Variants in TSPAN18 observed in about 807,000 individuals in gnomAD.
The protein encoded by TSPAN18 is tetraspanin 18, also known as tetraspanin-18.
In TSPAN18, 14 loss-of-function variants were observed where a neutral mutation model predicts 27.3. That is an observed-to-expected ratio of 0.51 (90% CI 0.34 to 0.80). The LOEUF (loss-of-function observed/expected upper bound fraction) is 0.80. Among genes scored for constraint, TSPAN18 ranks in the 30% least tolerant of loss-of-function variants. The pLI is 0.01. For missense variants in TSPAN18, 268 were observed against 323.9 expected, an observed-to-expected ratio of 0.83 and a Z score of 1.32; for synonymous variants, 143 against 136.5, an observed-to-expected ratio of 1.05 and a Z score of -0.33.
chr11:44,781,642 C>A (rs1855942036), intron 2 of TSPAN18, among the ~76,000 whole-genome samples: 1 of 152,190 alleles, frequency 6.6e-6, no homozygotes, highest in African/African-American at 2.4e-5. Flanking sequence ...AGTCTTTTAA[C>A]ATAGCCTGAG....
intron 2 of TSPAN18, among the ~76,000 whole-genome samples, chr11:44,847,024 A>G (rs965729163): frequency 2.6e-5 from 4 of 152,206 alleles, no homozygotes; most frequent in Non-Finnish European, 5.9e-5. Flanking sequence ...GCGAAGCACT[A>G]ACTTCAGCAG....
chr11:44,731,365 C>T (rs557833119), intron 1 of TSPAN18, among the ~76,000 whole-genome samples: 3 of 152,300 alleles, frequency 2.0e-5, no homozygotes, highest in South Asian at 2.1e-4. Context: ...GACCATTCAA[C>T]CCCTGGTGCC....
chr11:44,780,248 A>G (rs914547857), intron 2 of TSPAN18, among the ~76,000 whole-genome samples: 2 of 152,156 alleles, frequency 1.3e-5, no homozygotes, highest in African/African-American at 4.8e-5. Flanking sequence ...CAACCAAGCT[A>G]TTAGATGAAA....
intron 2 of TSPAN18, among the ~76,000 whole-genome samples, chr11:44,799,965 T>G (rs2135065390): frequency 6.6e-6 from 1 of 151,794 alleles, no homozygotes; most frequent in South Asian, 2.1e-4. Context: ...CGAGTAGCTG[T>G]GATTACAGGT....
intron 2 of TSPAN18, among the ~76,000 whole-genome samples, chr11:44,792,116 A>G (rs1256234322): frequency 6.6e-6 from 1 of 152,214 alleles, no homozygotes; most frequent in East Asian, 1.9e-4. Flanking sequence ...TATAAATATT[A>G]TATAATTTCA....
intron 4 of TSPAN18, 112 bp downstream of exon 4, chr11:44,906,591 G>C (rs956017042): frequency 6.9e-6 from 7 of 1,016,300 alleles, no homozygotes; most frequent in Non-Finnish European, 1.1e-5. Context: ...GCCGGCGCTA[G>C]AGGCAGGGGT....
At chr11:44,811,173 CA>C (rs1156646717) in intron 2 of TSPAN18, among the ~76,000 whole-genome samples, 39 of 148,538 alleles carry the variant, frequency 2.6e-4, no homozygotes, top group African/African-American at 7.4e-4. Context: ...CACACACACA[CA>C]CCCCTGCCTG....
chr11:44,864,905 C>G (rs1432305085), intron 3 of TSPAN18, among the ~76,000 whole-genome samples: 2 of 152,230 alleles, frequency 1.3e-5, no homozygotes, highest in African/African-American at 4.8e-5. Context: ...GTATCTCACC[C>G]TCTCTGGTCT....
intron 3 of TSPAN18, among the ~76,000 whole-genome samples, chr11:44,868,420 G>A (rs979113852): frequency 2.4e-4 from 36 of 152,130 alleles, no homozygotes; most frequent in Non-Finnish European, 4.3e-4. Flanking sequence ...GGATCCTGTC[G>A]GGGCCCGAGG....
chr11:44,744,913 G>A (rs1855035211), intron 1 of TSPAN18, among the ~76,000 whole-genome samples: 2 of 152,196 alleles, frequency 1.3e-5, no homozygotes, highest in Admixed American at 1.3e-4. Context: ...GCTGAAGGGT[G>A]GATGAGCCTG....
At chr11:44,888,137 G>A (rs1858721821) in intron 3 of TSPAN18, among the ~76,000 whole-genome samples, 1 of 152,104 alleles carries the variant, frequency 6.6e-6, no homozygotes, top group South Asian at 2.1e-4. Context: ...TCTAACCCAG[G>A]ACTCGGGGCT....
intron 3 of TSPAN18, among the ~76,000 whole-genome samples, chr11:44,882,720 G>A (rs778460699): frequency 3.9e-5 from 6 of 151,956 alleles, no homozygotes; most frequent in Admixed American, 1.3e-4. Context: ...GGAGAGAGAC[G>A]GAGGGACAGC....
At chr11:44,858,216 GC>G (rs1393527830) in intron 2 of TSPAN18, among the ~76,000 whole-genome samples, 1 of 152,076 alleles carries the variant, frequency 6.6e-6, no homozygotes, top group Non-Finnish European at 1.5e-5. Context: ...TCAAATGCCT[GC>G]CCCCCACTCC....
intron 1 of TSPAN18, among the ~76,000 whole-genome samples, chr11:44,731,502 C>A (rs950334607): frequency 1.3e-5 from 2 of 151,616 alleles, no homozygotes. Flanking sequence ...AATAAGTGTT[C>A]ACTATCATCA....
chr11:44,851,612 A>C (rs986976188), intron 2 of TSPAN18, among the ~76,000 whole-genome samples: 1,590 of 109,298 alleles, frequency 0.015, 8 homozygotes, highest in Admixed American at 0.016. Flanking sequence ...TACTCTTGTC[A>C]CCTCCCCCCC....
intron 2 of TSPAN18, among the ~76,000 whole-genome samples, chr11:44,816,698 C>T (rs1590521579): frequency 1.3e-5 from 2 of 152,294 alleles, no homozygotes; most frequent in East Asian, 1.9e-4. Flanking sequence ...CTGCTTTCTC[C>T]GAGCCTGCCT....
intron 2 of TSPAN18, among the ~76,000 whole-genome samples, chr11:44,792,948 G>A (rs1856262975): frequency 3.9e-5 from 6 of 152,242 alleles, no homozygotes; most frequent in East Asian, 1.9e-4. Flanking sequence ...AAGGCGTCTC[G>A]TGTGACTCAA....
At chr11:44,780,737 A>G (rs1803211460) in intron 2 of TSPAN18, among the ~76,000 whole-genome samples, 1 of 152,150 alleles carries the variant, frequency 6.6e-6, no homozygotes, top group South Asian at 2.1e-4. Flanking sequence ...GCCTCTGTCT[A>G]TTTCCCCATC....
At chr11:44,864,967 T>C (rs144170713) in intron 3 of TSPAN18, among the ~76,000 whole-genome samples, 39 of 152,240 alleles carry the variant, frequency 2.6e-4, no homozygotes, top group African/African-American at 8.9e-4. Flanking sequence ...GGTTGGTGAA[T>C]GGATGGATGG....
Sources: gnomAD v4.1 joint callset for allele counts (sites outside exome capture counted in the v4.1 genomes callset) on GRCh38, gnomAD v4.1.1 for gene constraint, MANE v1.5 for transcripts, NCBI Gene and HGNC (gene_info 2026-07-23, HGNC 2026-07-21) for gene names.